The following PKLR variants were observed in gnomAD, a reference collection of about 807,000 sequenced individuals.
PKLR encodes the protein pyruvate kinase L/R.
In PKLR, 38 loss-of-function variants were observed where a neutral mutation model predicts 53.6. The ratio of observed to expected loss-of-function variants is 0.71; its 90% CI spans 0.55 to 0.93. The LOEUF (loss-of-function observed/expected upper bound fraction) is 0.93. Ranked by LOEUF, PKLR falls within the 40% of genes least tolerant of loss-of-function variation. The pLI is 0.00. For missense variants in PKLR, 702 were observed against 787.3 expected (o/e 0.89, Z 1.30); for synonymous variants, 328 against 316.2 (o/e 1.04, Z -0.39).
At chr1:155,296,772 G>A (rs1029645980) in intron 2 of PKLR, among the ~76,000 whole-genome samples, 1 of 151,980 alleles carries the variant, frequency 6.6e-6, no homozygotes. Flanking sequence ...CTCACTTGCA[G>A]CAAAACTCAT....
intron 7 of PKLR, 107 bp downstream of exon 7, chr1:155,294,128 G>C: frequency 5.4e-6 from 7 of 1,303,438 alleles, no homozygotes; most frequent in Non-Finnish European, 6.6e-6. Flanking sequence ...GTGAGACTCC[G>C]TCTCAAAAAA....
At position 155,293,649 on chromosome 1, in the gene PKLR, C is replaced by T; in HGVS notation, c.1117-59G>A. ...CTCACACTGTGACTGGGGACCCTGC[C>T]CAAGCTACTTCTCTGACACCCACAC... On this transcript the variant is annotated intron_variant, in intron 7 of 10. Transcript: ENST00000342741. The surrounding 1 kb of genome is among the most constrained non-coding windows in gnomAD (Gnocchi z 4.2). 1.3e-6 allele frequency: 2 copies of T among 1,569,728 alleles called. No homozygotes were observed. Among genetic ancestry groups the T allele is most frequent in the Non-Finnish European group, 1.8e-6 (2 of 1,141,688 alleles).
intron 10 of PKLR, among the ~76,000 whole-genome samples, chr1:155,291,027 A>C (rs1674514146): frequency 7.0e-6 from 1 of 142,844 alleles, no homozygotes; most frequent in Non-Finnish European, 1.5e-5. Context: ...AATAATAATA[A>C]TAATAATAAT....
upstream of PKLR, among the ~76,000 whole-genome samples, chr1:155,301,743 C>T (rs1172636318): frequency 2.6e-5 from 4 of 151,882 alleles, no homozygotes; most frequent in African/African-American, 7.3e-5. Context: ...GGGGCTGGAG[C>T]CTGAAGAAAG....
At position 155,290,717 on chromosome 1, in the gene PKLR, G is replaced by C. The variant is rs199991834; in HGVS notation, c.1619-39C>G. The stretch of plus-strand genomic sequence containing the variant: ...AGAAAACAAATCATTGGACAGGTGT[G>C]GTGGCTCACACCTGTAATCCCATCA... On this transcript the variant is annotated intron_variant, in intron 10 of 10. Coordinates refer to ENST00000342741, the MANE Select transcript of PKLR (RefSeq NM_000298.6). The C allele has an allele frequency of 1.2e-4, 153 of 1,238,206 alleles. 1 individual carries two copies. The highest frequency in any genetic ancestry group is 1.1e-3 in the East Asian group (47 of 42,862). 76.7% of individuals were successfully genotyped at this position (1,238,206 alleles called of 1,614,324 possible).
rs368492204 is a variant in PKLR, at chr1:155,300,134, C to T, written c.247G>A (p.Val83Met). 2.9e-5 allele frequency: 46 copies of T among 1,613,776 alleles called. No homozygotes were observed. Among genetic ancestry groups the T allele is most frequent in the South Asian group, 7.7e-5 (7 of 91,086 alleles). ...ATGATGCTGGTACTGCGAGCAGCCA[C>T]GGGCTCGGAGTCAATGTCCAGTAGG... is the stretch of plus-strand genomic sequence containing the variant. ...LCLLDIDSEPVAARSTSIIAT... is the reference protein window; with the variant it reads ...LCLLDIDSEPMAARSTSIIAT... The change falls in exon 2 of 11, where the codon GTG (valine) becomes ATG (methionine). Residue 83 changes from valine (V) to methionine (M), a missense_variant. Val to Met is a conservative substitution (Grantham distance 21). Coordinates refer to ENST00000342741, the MANE Select transcript of PKLR (RefSeq NM_000298.6).
chr1:155,292,448 T>C (rs532984798), intron 9 of PKLR, among the ~76,000 whole-genome samples: 89 of 152,218 alleles, frequency 5.8e-4, no homozygotes, highest in Non-Finnish European at 1.1e-3. Flanking sequence ...CCAGCCTGGC[T>C]AACATGATGA....
chr1:155,293,648 C>T lies in PKLR; in HGVS notation c.1117-58G>A. On this transcript the variant is annotated intron_variant, in intron 7 of 10. Transcript: ENST00000342741. The surrounding 1 kb of genome is among the most constrained non-coding windows in gnomAD (Gnocchi z 4.2). ...ACTCACACTGTGACTGGGGACCCTG[C>T]CCAAGCTACTTCTCTGACACCCACA... 2 of 1,571,952 alleles carry T rather than the reference C, an allele frequency of 1.3e-6. No individual in the cohort carries two copies. Among genetic ancestry groups the T allele is most frequent in the Non-Finnish European group, 1.7e-6 (2 of 1,143,662 alleles).
the PKLR span, among the ~76,000 whole-genome samples, chr1:155,307,806 CT>C: frequency 6.6e-6 from 1 of 152,080 alleles, no homozygotes; most frequent in Non-Finnish European, 1.5e-5. Flanking sequence ...GAGAAACCCC[CT>C]CTCTACTAAA....
the PKLR span, among the ~76,000 whole-genome samples, chr1:155,306,808 C>T: frequency 3.3e-5 from 5 of 152,208 alleles, no homozygotes; most frequent in Admixed American, 2.6e-4. The surrounding 1 kb of genome is among the most constrained non-coding windows in gnomAD (Gnocchi z 4.2). Flanking sequence ...GTGGTGTGTC[C>T]GGAGTTTGTT....
At chr1:155,306,361 C>G (rs1013891670), upstream of PKLR, among the ~76,000 whole-genome samples, 2 of 152,172 alleles carry the variant, frequency 1.3e-5, no homozygotes, top group African/African-American at 2.4e-5. This position sits in a 1 kb window ranked among gnomAD's most constrained non-coding sequence, Gnocchi z 4.2. Flanking sequence ...ACTGAACCCC[C>G]ATATGGGCCG....
chr1:155,308,536 CTGCTGCGTT>C, the PKLR span: 1 of 984,488 alleles, frequency 1.0e-6, no homozygotes, highest in Non-Finnish European at 1.2e-6. Flanking sequence ...AAAGCTAGTC[CTGCTGCGTT>C]TTACTAACGT....
At chr1:155,298,963 TTTC>T in intron 2 of PKLR, among the ~76,000 whole-genome samples, 1 of 56,048 alleles carries the variant, frequency 1.8e-5, no homozygotes, top group Admixed American at 1.8e-4. Flanking sequence ...CCTTTCTTTC[TTTC>T]TTTCTTTCTT....
At chr1:155,290,779 A>C in intron 10 of PKLR, 101 bp from the exon 11 acceptor site, 2 of 742,428 alleles carry the variant, frequency 2.7e-6, no homozygotes. Context: ...ACCTGAGGTC[A>C]GGAGTTTGAG....
chr1:155,298,954 CT>C (rs1647765598), intron 2 of PKLR, among the ~76,000 whole-genome samples: 88 of 16,910 alleles, frequency 5.2e-3, no homozygotes, highest in South Asian at 0.022. Flanking sequence ...ACTTTCACTC[CT>C]TTCTTTCTTT....
intron 1 of PKLR, chr1:155,300,900 C>A (rs1403111874): frequency 1.9e-6 from 3 of 1,609,540 alleles, no homozygotes; most frequent in South Asian, 1.1e-5. Context: ...CACTGCACAC[C>A]TCTCTGGGTC....
intron 10 of PKLR, 141 bp from the exon 11 acceptor site, chr1:155,290,819 T>A (rs1674498943): frequency 1.7e-5 from 11 of 665,308 alleles, no homozygotes; most frequent in South Asian, 1.5e-4. Context: ...TGAAACCTTG[T>A]CTCTACTGAA....
rs1472217332 is a variant in PKLR, at chr1:155,293,087, C to G, written c.1436+90G>C. On this transcript the variant is annotated intron_variant, in intron 9 of 10. Coordinates refer to ENST00000342741, the MANE Select transcript of PKLR (RefSeq NM_000298.6). This position sits in a 1 kb window ranked among gnomAD's most constrained non-coding sequence, Gnocchi z 4.2. The stretch of plus-strand genomic sequence containing the variant: ...TGTCTCAGGTGGACACTCTTCACCC[C>G]TGGTGACCAGACTAAACCCAAGCCT... 7.4e-7 allele frequency: 1 copy of G among 1,359,308 alleles called. No homozygotes were observed. The highest frequency in any genetic ancestry group is 1.4e-5 in the African/African-American group (1 of 69,872). 84.2% of individuals were successfully genotyped at this position (1,359,308 alleles called of 1,614,324 possible).
the PKLR span, among the ~76,000 whole-genome samples, chr1:155,306,451 C>T: frequency 3.3e-5 from 5 of 152,268 alleles, no homozygotes; most frequent in Admixed American, 2.6e-4. This position sits in a 1 kb window ranked among gnomAD's most constrained non-coding sequence, Gnocchi z 4.2. Flanking sequence ...GAGACAGGAG[C>T]GAGGCCAGTC....
Sources: gnomAD v4.1 joint callset for allele counts (sites outside exome capture counted in the v4.1 genomes callset) on GRCh38, gnomAD v4.1.1 for gene constraint, Gnocchi (gnomAD v3.1) non-coding constraint, MANE v1.5 for transcripts, NCBI Gene and HGNC (gene_info 2026-07-23, HGNC 2026-07-21) for gene names.